Variants in RCBTB2 observed in about 807,000 individuals in gnomAD.
The protein encoded by RCBTB2 is RCC1 and BTB domain containing protein 2, also known as RCC1 and BTB domain-containing protein 2.
In RCBTB2, 55 loss-of-function variants were observed where a neutral mutation model predicts 65.4. That is an observed-to-expected ratio of 0.84 (90% CI 0.68 to 1.05). The LOEUF (loss-of-function observed/expected upper bound fraction) is 1.05. RCBTB2 is among the 50% of genes least tolerant of loss of function. The pLI is 0.00. For missense variants in RCBTB2, 599 were observed against 680.1 expected (o/e 0.88, Z 1.33); for synonymous variants, 220 against 255.2 (o/e 0.86, Z 1.31).
intron 14 of RCBTB2, among the ~76,000 whole-genome samples, chr13:48,491,416 A>T (rs1301040068): frequency 6.6e-6 from 1 of 152,204 alleles, no homozygotes; most frequent in African/African-American, 2.4e-5. Flanking sequence ...GTCCCAGGTA[A>T]GCCCTCAGTG....
chr13:48,516,069 C>T (rs561684840), intron 4 of RCBTB2, among the ~76,000 whole-genome samples: 2 of 147,694 alleles, frequency 1.4e-5, no homozygotes, highest in African/African-American at 5.3e-5. Context: ...GCTGTGGAAA[C>T]TAGGCTGGTT....
At position 48,521,820 on chromosome 13, in the gene RCBTB2, G is replaced by A. The variant is rs113264075; in HGVS notation, c.42+78C>T. ...ATAGTATCTCATTGATTTTCCTATC[G>A]GTGACCAATAGGTGCTTCATGAAGT... On this transcript the variant is annotated intron_variant, in intron 4 of 14. Coordinates refer to ENST00000344532, the MANE Select transcript of RCBTB2 (RefSeq NM_001268.4). 108 of 1,336,718 alleles carry A rather than the reference G, an allele frequency of 8.1e-5. 3 individuals are homozygous for A. Among genetic ancestry groups the A allele is most frequent in the African/African-American group, 7.7e-4 (53 of 69,116 alleles). The allele number at this position is 1,336,718 out of a possible 1,614,324, so 82.8% of individuals were successfully genotyped here.
At chr13:48,494,955 T>C (rs1949904616) in intron 14 of RCBTB2, among the ~76,000 whole-genome samples, 1 of 152,234 alleles carries the variant, frequency 6.6e-6, no homozygotes, top group African/African-American at 2.4e-5. Flanking sequence ...GAAGCTGTTA[T>C]ATGAAAGTGC....
At chr13:48,525,427 T>C in intron 1 of RCBTB2, among the ~76,000 whole-genome samples, 1 of 144,710 alleles carries the variant, frequency 6.9e-6, no homozygotes, top group Non-Finnish European at 1.5e-5. Flanking sequence ...TATTCAGTTA[T>C]ATATGTATAT....
chr13:48,533,991 GTTTCGTCTGGCT>G (rs1482696695), upstream of RCBTB2, among the ~76,000 whole-genome samples: 1 of 152,202 alleles, frequency 6.6e-6, no homozygotes, highest in African/African-American at 2.4e-5. Context: ...GTGTCAGTCT[GTTTCGTCTGGCT>G]TTTGTCATTT....
chr13:48,532,992 C>T (rs1382108940), intron 1 of RCBTB2, 36 bp downstream of exon 1: 4 of 455,616 alleles, frequency 8.8e-6, no homozygotes, highest in Non-Finnish European at 1.8e-5. Context: ...GCCGCGATCC[C>T]CCTCGGCCTC....
upstream of RCBTB2, among the ~76,000 whole-genome samples, chr13:48,534,171 T>A (rs1301315846): frequency 1.3e-5 from 2 of 152,128 alleles, no homozygotes; most frequent in African/African-American, 4.8e-5. Context: ...GAAGAAAAAG[T>A]AAGTATACAT....
At chr13:48,491,971 T>C (rs1408794275) in intron 14 of RCBTB2, among the ~76,000 whole-genome samples, 1 of 152,182 alleles carries the variant, frequency 6.6e-6, no homozygotes. Context: ...AGAATTGTAG[T>C]CTATTTTGAA....
intron 4 of RCBTB2, among the ~76,000 whole-genome samples, chr13:48,521,099 T>C (rs577184717): frequency 2.0e-5 from 3 of 152,254 alleles, no homozygotes; most frequent in Admixed American, 1.3e-4. Flanking sequence ...TAGGAAAAAT[T>C]AGGAATTTTT....
chr13:48,512,005 A>C lies in RCBTB2; in HGVS notation c.675+11T>G, dbSNP rs1474434269. ...ACGGTTTTTAAACAAGATGTAAAAT[A>C]ACTTCCTTACCTCCCCCGTGTCTAC... On this transcript the variant is annotated intron_variant, in intron 8 of 14. Coordinates refer to ENST00000344532, the MANE Select transcript of RCBTB2 (RefSeq NM_001268.4). The C allele has an allele frequency of 6.2e-7, 1 of 1,611,630 alleles. No individual in the cohort carries two copies.
chr13:48,527,320 C>CATAT (rs72194233), intron 1 of RCBTB2, among the ~76,000 whole-genome samples: 2,637 of 77,740 alleles, frequency 0.034, 175 homozygotes, highest in African/African-American at 0.13. Context: ...TGACTTGGCT[C>CATAT]ATATATATAT....
At chr13:48,519,432 G>A (rs928872203) in intron 4 of RCBTB2, among the ~76,000 whole-genome samples, 1 of 152,168 alleles carries the variant, frequency 6.6e-6, no homozygotes, top group Non-Finnish European at 1.5e-5. Flanking sequence ...GTAAATTCCA[G>A]CCAGCTCTTA....
At chr13:48,515,778 A>G (rs1232461754) in intron 4 of RCBTB2, 37 bp from the exon 5 acceptor site, 1 of 1,577,846 alleles carries the variant, frequency 6.3e-7, no homozygotes, top group African/African-American at 1.4e-5. Flanking sequence ...ATGACAAATT[A>G]AAAAGTGAAT....
chr13:48,533,200 G>A (rs1952283236), upstream of RCBTB2: 1 of 341,684 alleles, frequency 2.9e-6, no homozygotes, highest in South Asian at 2.1e-5. Context: ...ACAAGAGGAG[G>A]GGGCTGGCGA....
At chr13:48,516,092 GAGAC>G (rs1951071196) in intron 4 of RCBTB2, among the ~76,000 whole-genome samples, 2 of 112,032 alleles carry the variant, frequency 1.8e-5, no homozygotes, top group African/African-American at 1.7e-4. Context: ...AAAAGCAAGA[GAGAC>G]AGAGAGAGAG....
At chr13:48,515,150 T>A in intron 6 of RCBTB2, 55 bp downstream of exon 6, 3 of 1,526,760 alleles carry the variant, frequency 2.0e-6, no homozygotes, top group Non-Finnish European at 2.7e-6. Flanking sequence ...TTAAACAATG[T>A]TCTCAAGGGC....
Position 48,512,158 on chromosome 13 carries a change from T to G in RCBTB2, c.533A>C (p.Tyr178Ser). The change falls in exon 8 of 15, where the codon TAT (tyrosine) becomes TCT (serine). Residue 178 changes from tyrosine (Y) to serine (S), a missense_variant. Transcript: ENST00000344532. ...AGATCCTACCTGCCCAGAGTTATTATAACCCCAGGCAAATACCTGTTTAAA... is the reference window on the plus strand; with the variant it reads ...AGATCCTACCTGCCCAGAGTTATTAGAACCCCAGGCAAATACCTGTTTAAA... ...TSDGEVFAWG[Y>S]NNSGQVGSGS... is the part of the protein sequence containing the mutation. The G allele has an allele frequency of 6.2e-7, 1 of 1,613,708 alleles. No homozygotes were observed. The highest frequency in any genetic ancestry group is 8.5e-7 in the Non-Finnish European group (1 of 1,179,664).
rs373929704 is a variant in RCBTB2, at chr13:48,515,252, G to C, written c.302C>G (p.Ala101Gly). The change falls in exon 6 of 15, where the codon GCC becomes GGC. Residue 101 changes from alanine to glycine, a missense_variant. Coordinates refer to ENST00000344532, the MANE Select transcript of RCBTB2 (RefSeq NM_001268.4). The part of the protein sequence containing the change: ...RLDSLNGKKI[A>G]CLSYGSGPHI... Reference sequence around the variant, plus strand: ...TGGACCACTCCCATAGCTGAGGCAGGCTATTTTTTTGCCATTTAAAGAATC... The same window carrying C: ...TGGACCACTCCCATAGCTGAGGCAGCCTATTTTTTTGCCATTTAAAGAATC... 6.2e-7 allele frequency: 1 copy of C among 1,613,994 alleles called. No individual in the cohort carries two copies. The highest frequency in any genetic ancestry group is 8.5e-7 in the Non-Finnish European group (1 of 1,179,980).
intron 13 of RCBTB2, among the ~76,000 whole-genome samples, chr13:48,499,305 T>C (rs1308259133): frequency 6.6e-6 from 1 of 152,112 alleles, no homozygotes; most frequent in Non-Finnish European, 1.5e-5. Context: ...AGGCCCACAG[T>C]CTGAAATAAG....
Sources: gnomAD v4.1 joint callset for allele counts (sites outside exome capture counted in the v4.1 genomes callset) on GRCh38, gnomAD v4.1.1 for gene constraint, MANE v1.5 for transcripts, NCBI Gene and HGNC (gene_info 2026-07-23, HGNC 2026-07-21) for gene names.